Variants in COL4A2 observed in about 807,000 individuals in gnomAD.
The protein encoded by COL4A2 is collagen alpha-2(IV) chain.
Under a neutral mutation model 200.2 loss-of-function variants are expected in COL4A2, and 99 were observed. The observed-to-expected ratio is 0.49, with a 90% CI of 0.42 to 0.58. The LOEUF is 0.58. COL4A2 is among the 20% of genes least tolerant of loss of function. The pLI is 0.00. For missense variants in COL4A2, 1,950 were observed against 2,314.1 expected (o/e 0.84, Z 3.23); for synonymous variants, 897 against 900.6 (o/e 1.00, Z 0.07).
intron 10 of COL4A2, among the ~76,000 whole-genome samples, chr13:110,432,045 A>G (rs1020966705): frequency 1.3e-5 from 2 of 152,206 alleles, no homozygotes; most frequent in Admixed American, 6.5e-5. Flanking sequence ...GATCAGAACA[A>G]ACACAGAGAG....
At chr13:110,344,410 A>G (rs1374504981) in intron 3 of COL4A2, among the ~76,000 whole-genome samples, 5 of 152,242 alleles carry the variant, frequency 3.3e-5, no homozygotes, top group Non-Finnish European at 7.3e-5. Flanking sequence ...TGAGTAGCCA[A>G]TGAGAGAATA....
Position 110,314,351 on chromosome 13 carries a change from A to AAGC in COL4A2, c.99+6232_99+6234dup, listed in dbSNP as rs548188092. ...TGGACAAGTGCATGGAGAAGGCTGAAAGCAGCCAGTCTCGAATGAGCAGAT... is the reference window on the plus strand; with the variant it reads ...TGGACAAGTGCATGGAGAAGGCTGAAAGCAGCAGCCAGTCTCGAATGAGCAGAT... On this transcript the variant is annotated intron_variant, in intron 3 of 47. Coordinates refer to ENST00000360467, the MANE Select transcript of COL4A2 (RefSeq NM_001846.4). 1.4e-3 allele frequency among the ~76,000 whole-genome samples: 206 copies of AAGC among 152,340 alleles called. 2 individuals are homozygous for AAGC. The highest frequency in any genetic ancestry group is 4.8e-3 in the African/African-American group (200 of 41,578).
In COL4A2 at chr13:110,493,068, GT is replaced by G; in HGVS notation, c.3563-142del. 243 of 865,878 alleles carry G rather than the reference GT, an allele frequency of 2.8e-4. 1 individual carries two copies. The highest frequency in any genetic ancestry group is 8.4e-4 in the South Asian group (60 of 71,844). 53.6% of individuals were successfully genotyped at this position (865,878 alleles called of 1,614,324 possible). On this transcript the variant is annotated intron_variant, in intron 38 of 47. Transcript: ENST00000360467. ...ACCCCCACAGGTGAAATAACGATGA[GT>G]GACACCCCCATGGGTGAAATAACGA...
At chr13:110,440,377 C>T (rs1199167118) in intron 16 of COL4A2, among the ~76,000 whole-genome samples, 1 of 152,076 alleles carries the variant, frequency 6.6e-6, no homozygotes, top group East Asian at 1.9e-4. Flanking sequence ...GAGGGTGGAT[C>T]ACCTGAGGTC....
Position 110,489,434 on chromosome 13 carries a change from T to C in COL4A2, c.3208-11T>C, listed in dbSNP as rs2274546. On this transcript the variant is annotated splice_polypyrimidine_tract_variant and intron_variant, in intron 34 of 47. Coordinates refer to ENST00000360467, the MANE Select transcript of COL4A2 (RefSeq NM_001846.4). ...TAACAGCCTTCTAAGATGGTTCATG[T>C]CTGTCTTTAGGGTGACAAAGGTGCC... 1.6e-5 allele frequency: 26 copies of C among 1,613,906 alleles called. No individual in the cohort carries two copies. The East Asian group carries it at 5.8e-4, about 36-fold the overall frequency.
Position 110,438,833 on chromosome 13 carries a change from C to T in COL4A2, c.912+165C>T, listed in dbSNP as rs374428069. Among the ~76,000 whole-genome samples the T allele has an allele frequency of 1.1e-4, 16 of 148,446 alleles. No homozygotes were observed. In the East Asian group the frequency reaches 3.0e-3, roughly 27 times the overall value. ...CCCCACACACACACACAGCAGCCCC[C>T]CAGCACGAACATCTAGCACTGGGGG... On this transcript the variant is annotated intron_variant, in intron 15 of 47. Transcript: ENST00000360467.
Position 110,469,150 on chromosome 13 carries a change from C to G in COL4A2, c.2096-67C>G, listed in dbSNP as rs1010996966. The G allele has an allele frequency of 4.6e-6, 7 of 1,529,530 alleles. No individual in the cohort carries two copies. In the African/African-American group the frequency reaches 9.7e-5, roughly 21 times the overall value. The allele number at this position is 1,529,530 out of a possible 1,614,324, so 94.7% of individuals were successfully genotyped here. A position where few individuals can be genotyped will look rare whatever the true frequency, so the allele number is the denominator to read the frequency against. ...ATGAGATCCACATTAAGTCAGATGC[C>G]AAGCATGACCATGCCCATTTATCCT... On this transcript the variant is annotated intron_variant, in intron 27 of 47. Coordinates refer to ENST00000360467, the MANE Select transcript of COL4A2 (RefSeq NM_001846.4).
rs766845623 is a variant in COL4A2 at position 110,308,169 on chromosome 13, T to C, written c.99+46T>C. 1.6e-5 allele frequency: 25 copies of C among 1,609,054 alleles called. No individual in the cohort carries two copies. The South Asian group carries it at 2.7e-4, about 18-fold the overall frequency. On this transcript the variant is annotated intron_variant, in intron 3 of 47. Transcript: ENST00000360467. ...TTGGACTTGCGCGCCCGAGAGTGGT[T>C]GGGACGTTTGAGTGGCCTTGGAGAA...
chr13:110,416,128 C>T (rs1383061151), intron 4 of COL4A2, among the ~76,000 whole-genome samples: 1 of 152,248 alleles, frequency 6.6e-6, no homozygotes, highest in Admixed American at 6.5e-5. Context: ...AAGTGGAGGC[C>T]ACCAGCACAG....
chr13:110,411,532 G>A (rs1879837094), intron 4 of COL4A2, among the ~76,000 whole-genome samples: 1 of 152,134 alleles, frequency 6.6e-6, no homozygotes, highest in Admixed American at 6.5e-5. Context: ...TCACTCTTTA[G>A]CAGGGAGGGG....
At position 110,466,863 on chromosome 13, in the gene COL4A2, A is replaced by G. The variant is rs577698962; in HGVS notation, c.2039-177A>G. 7.2e-5 allele frequency among the ~76,000 whole-genome samples: 11 copies of G among 152,310 alleles called. No homozygotes were observed. In the East Asian group the frequency reaches 1.2e-3, roughly 16 times the overall value. On this transcript the variant is annotated intron_variant, in intron 26 of 47. Coordinates refer to ENST00000360467, the MANE Select transcript of COL4A2 (RefSeq NM_001846.4). Reference sequence around the variant, plus strand: ...ACGAATATTTTGATTTCATTACACAATGAAATTAAACTTTTATTTACATCA... The same window carrying G: ...ACGAATATTTTGATTTCATTACACAGTGAAATTAAACTTTTATTTACATCA...
chr13:110,410,452 G>A (rs542511409), intron 4 of COL4A2, among the ~76,000 whole-genome samples: 2 of 152,238 alleles, frequency 1.3e-5, no homozygotes, highest in African/African-American at 4.8e-5. Context: ...CAGCCCCTTG[G>A]GGTTCAGTGA....
chr13:110,511,127 A>G (rs1453372343), intron 47 of COL4A2, among the ~76,000 whole-genome samples: 1 of 152,096 alleles, frequency 6.6e-6, no homozygotes, highest in Non-Finnish European at 1.5e-5. Flanking sequence ...AAGCCTGCTC[A>G]GCCAAGCCAA....
At chr13:110,511,632 G>A (rs980992085) in intron 47 of COL4A2, among the ~76,000 whole-genome samples, 4 of 152,154 alleles carry the variant, frequency 2.6e-5, no homozygotes, top group African/African-American at 4.8e-5. Flanking sequence ...TATATCTACC[G>A]CTCGTATCTG....
intron 13 of COL4A2, among the ~76,000 whole-genome samples, chr13:110,437,504 C>T (rs992398082): frequency 4.6e-5 from 7 of 152,140 alleles, no homozygotes; most frequent in African/African-American, 1.4e-4. Flanking sequence ...CCATTTTAGA[C>T]GAAGAGAAAT....
At chr13:110,421,732 A>G (rs2139450434) in intron 4 of COL4A2, among the ~76,000 whole-genome samples, 1 of 152,392 alleles carries the variant, frequency 6.6e-6, no homozygotes, top group South Asian at 2.1e-4. Flanking sequence ...ATTTCACTTC[A>G]GTAAAAAGAA....
chr13:110,408,546 T>C (rs1410831297), intron 4 of COL4A2, among the ~76,000 whole-genome samples: 4 of 152,188 alleles, frequency 2.6e-5, no homozygotes, highest in African/African-American at 9.7e-5. Flanking sequence ...CACTGCAGTG[T>C]ATCCAAAGTT....
At chr13:110,348,823 C>G (rs1398113516) in intron 3 of COL4A2, among the ~76,000 whole-genome samples, 1 of 152,190 alleles carries the variant, frequency 6.6e-6, no homozygotes, top group Non-Finnish European at 1.5e-5. Context: ...CGTCAGCTAT[C>G]TGTAAATTCC....
At chr13:110,373,875 G>A (rs78315574) in intron 4 of COL4A2, among the ~76,000 whole-genome samples, 1,882 of 152,280 alleles carry the variant, frequency 0.012, 16 homozygotes, top group African/African-American at 0.018. Context: ...GGCAGCATCC[G>A]TTTTCTTTTT....
Sources: gnomAD v4.1 joint callset for allele counts (sites outside exome capture counted in the v4.1 genomes callset) on GRCh38, gnomAD v4.1.1 for gene constraint, MANE v1.5 for transcripts, NCBI Gene and HGNC (gene_info 2026-07-23, HGNC 2026-07-21) for gene names.